Variants in SGCD observed in about 807,000 individuals in gnomAD.
The protein encoded by SGCD is delta-sarcoglycan.
Under a neutral mutation model 36.6 loss-of-function variants are expected in SGCD, and 18 were observed. That is an observed-to-expected ratio of 0.49 (90% CI 0.34 to 0.73). SGCD has a LOEUF of 0.73. SGCD is among the 30% of genes least tolerant of loss of function. The pLI is 0.01. For synonymous variants in SGCD, 133 were observed against 130.6 expected, an observed-to-expected ratio of 1.02 and a Z score of -0.12; for missense variants, 387 against 346.7, an observed-to-expected ratio of 1.12 and a Z score of -0.92.
At chr5:156,314,584 C>T (rs1767466883) in intron 3 of SGCD, among the ~76,000 whole-genome samples, 1 of 152,056 alleles carries the variant, frequency 6.6e-6, no homozygotes, top group African/African-American at 2.4e-5. Flanking sequence ...TTGGTGAACA[C>T]AGATGAACAG....
intron 4 of SGCD, among the ~76,000 whole-genome samples, chr5:156,514,324 C>T (rs1180342298): frequency 6.6e-6 from 1 of 152,128 alleles, no homozygotes; most frequent in Non-Finnish European, 1.5e-5. Context: ...ATTTATTAAG[C>T]ACCTATTATT....
intron 3 of SGCD, among the ~76,000 whole-genome samples, chr5:156,438,551 C>A (rs572506552): frequency 1.3e-5 from 2 of 152,120 alleles, no homozygotes; most frequent in African/African-American, 2.4e-5. Context: ...CAACTCCCAC[C>A]TTTCCCAGGA....
chr5:156,401,790 A>G (rs1772164556), intron 3 of SGCD, among the ~76,000 whole-genome samples: 1 of 152,110 alleles, frequency 6.6e-6, no homozygotes, highest in Admixed American at 6.6e-5. Context: ...CTATACATAA[A>G]TTCATGATTT....
rs550916793 is a variant in SGCD at position 156,218,861 on chromosome 5, C to A, written c.-44+94842C>A. On this transcript the variant is annotated intron_variant, in intron 3 of 9. Transcript: ENST00000517913. Reference sequence around the variant, plus strand: ...TAAATTTCCAGAAAATAATAAATATCCCCTATTTATACATAATGCTGTCTT... The same window carrying A: ...TAAATTTCCAGAAAATAATAAATATACCCTATTTATACATAATGCTGTCTT... Among the ~76,000 whole-genome samples the A allele has an allele frequency of 1.7e-3, 265 of 152,182 alleles. 3 individuals carry two copies. The highest frequency in any genetic ancestry group is 6.2e-3 in the African/African-American group (258 of 41,502).
intron 3 of SGCD, among the ~76,000 whole-genome samples, chr5:156,424,145 A>G (rs1773563496): frequency 6.6e-6 from 1 of 151,954 alleles, no homozygotes; most frequent in Admixed American, 6.6e-5. Flanking sequence ...ACCATAGAAA[A>G]TCATTCTAAT....
chr5:156,003,402 A>G (rs950456153), intron 1 of SGCD, among the ~76,000 whole-genome samples: 1 of 152,218 alleles, frequency 6.6e-6, no homozygotes, highest in East Asian at 1.9e-4. Context: ...TTTAGAGGTC[A>G]TACATTCTTC....
At chr5:156,635,785 A>C (rs1762804606) in intron 6 of SGCD, among the ~76,000 whole-genome samples, 1 of 151,834 alleles carries the variant, frequency 6.6e-6, no homozygotes. Context: ...TATCACAAGG[A>C]CAAAAAACCA....
intron 3 of SGCD, among the ~76,000 whole-genome samples, chr5:156,231,850 T>G (rs1241192225): frequency 6.6e-6 from 1 of 152,156 alleles, no homozygotes; most frequent in Non-Finnish European, 1.5e-5. Context: ...ACATGATTCT[T>G]TTCTTCTCAG....
chr5:156,267,316 T>G (rs1766027888), intron 3 of SGCD, among the ~76,000 whole-genome samples: 1 of 152,230 alleles, frequency 6.6e-6, no homozygotes, highest in African/African-American at 2.4e-5. Context: ...TATCACTTGT[T>G]TTTTATTTCC....
At chr5:156,262,124 G>A (rs1287379676) in intron 3 of SGCD, among the ~76,000 whole-genome samples, 2 of 152,064 alleles carry the variant, frequency 1.3e-5, no homozygotes, top group African/African-American at 4.8e-5. Flanking sequence ...AAAGTCTATG[G>A]TAGTATAGAG....
intron 3 of SGCD, among the ~76,000 whole-genome samples, chr5:156,127,127 T>G (rs1762191700): frequency 6.6e-6 from 1 of 152,220 alleles, no homozygotes; most frequent in Non-Finnish European, 1.5e-5. Context: ...TATATTTGTA[T>G]GTGTATATAG....
chr5:156,449,868 A>AAAT (rs1481977981), intron 3 of SGCD, among the ~76,000 whole-genome samples: 1 of 151,330 alleles, frequency 6.6e-6, no homozygotes. Flanking sequence ...AAAAAAAAAA[A>AAAT]AAAAGAAACT....
chr5:156,251,321 A>G (rs1331390272), intron 3 of SGCD, among the ~76,000 whole-genome samples: 2 of 152,184 alleles, frequency 1.3e-5, no homozygotes, highest in Non-Finnish European at 2.9e-5. Context: ...GAAGAATGCA[A>G]ATAAGATACT....
intron 1 of SGCD, among the ~76,000 whole-genome samples, chr5:156,086,501 A>G (rs1276664693): frequency 1.3e-5 from 2 of 152,238 alleles, no homozygotes; most frequent in Non-Finnish European, 2.9e-5. Context: ...AAGGGCACTC[A>G]GGAGTGGTGA....
chr5:156,185,503 C>T lies in SGCD; in HGVS notation c.-44+61484C>T, dbSNP rs150931804. ...TGCTGGGATTACAGATGTGAGCCAC[C>T]GCGCCTGGCCTCTTTTAATTTTTTT... On this transcript the variant is annotated intron_variant, in intron 3 of 9. Transcript: ENST00000517913. 4.2e-3 allele frequency among the ~76,000 whole-genome samples: 636 copies of T among 152,108 alleles called. 7 individuals carry two copies. Among genetic ancestry groups the T allele is most frequent in the African/African-American group, 0.013 (556 of 41,510 alleles).
intron 1 of SGCD, among the ~76,000 whole-genome samples, chr5:156,094,166 T>G (rs1581095601): frequency 6.6e-6 from 1 of 152,044 alleles, no homozygotes; most frequent in East Asian, 1.9e-4. Context: ...GGAGAGGCGG[T>G]ACTGTGGTCA....
chr5:156,597,986 A>G (rs1161986406), intron 6 of SGCD, among the ~76,000 whole-genome samples: 2 of 152,270 alleles, frequency 1.3e-5, no homozygotes, highest in South Asian at 2.1e-4. Context: ...TTAAAGCCCT[A>G]TACTTGCTGT....
chr5:156,760,561 C>G lies in SGCD; in HGVS notation c.*1171C>G, dbSNP rs528794571. ...TTCTCTAAGAAGCACTACATGCCAC[C>G]AGAATTGTGCACTGAAAGATAATAC... is the stretch of plus-strand genomic sequence containing the variant. On this transcript the variant is annotated 3_prime_UTR_variant, in exon 9 of 9. Transcript: ENST00000337851. The G allele has an allele frequency of 6.5e-6, 1 of 152,672 alleles. No individual in the cohort carries two copies. Among genetic ancestry groups the G allele is most frequent in the Non-Finnish European group, 1.5e-5 (1 of 68,026 alleles). 9.5% of individuals were successfully genotyped at this position (152,672 alleles called of 1,614,324 possible).
upstream of SGCD, among the ~76,000 whole-genome samples, chr5:156,322,103 C>G (rs1441224397): frequency 6.6e-6 from 1 of 152,180 alleles, no homozygotes; most frequent in Non-Finnish European, 1.5e-5. Flanking sequence ...ATATTCACAG[C>G]CTAGCTTGTA....
Sources: allele counts gnomAD v4.1 joint callset (sites outside exome capture counted in the v4.1 genomes callset), GRCh38; gene constraint gnomAD v4.1.1; transcripts MANE v1.5; gene names NCBI Gene and HGNC (gene_info 2026-07-23, HGNC 2026-07-21).